The following FAAH2 variants were observed in gnomAD, a reference collection of about 807,000 sequenced individuals.
FAAH2 encodes the protein fatty acid amide hydrolase 2, also known as fatty-acid amide hydrolase 2.
In FAAH2, 60 loss-of-function variants were observed where a neutral mutation model predicts 36.9. The observed-to-expected ratio is 1.63, with a 90% CI of 1.32 to 2.02. The LOEUF is 2.02. Among genes scored for constraint, FAAH2 ranks in the 30% most tolerant of loss-of-function variants. The pLI is 0.00. For missense variants in FAAH2, 689 were observed against 397.5 expected, an observed-to-expected ratio of 1.73 and a Z score of -6.23; for synonymous variants, 214 against 143.8, an observed-to-expected ratio of 1.49 and a Z score of -3.49.
chrX:57,194,740 C>T, the FAAH2 span, among the ~76,000 whole-genome samples: 1 of 110,456 alleles, frequency 9.1e-6, no homozygotes, highest in Non-Finnish European at 1.9e-5. Context: ...TCACCTACTC[C>T]CCCCCTTCCA....
intron 5 of FAAH2, among the ~76,000 whole-genome samples, chrX:57,350,274 A>C (rs1320127977): frequency 1.8e-5 from 2 of 111,136 alleles, no homozygotes; most frequent in Non-Finnish European, 3.8e-5. Context: ...ACATGAAAGC[A>C]AAAGGACATT....
chrX:57,477,674 G>A (rs1159860329), intron 10 of FAAH2, among the ~76,000 whole-genome samples: 1 of 98,969 alleles, frequency 1.0e-5, no homozygotes, highest in East Asian at 3.2e-4. Context: ...GGTGTAAGAT[G>A]TTTCCCTTCC....
At chrX:57,335,724 C>T (rs748771955) in intron 4 of FAAH2, among the ~76,000 whole-genome samples, 2 of 111,729 alleles carry the variant, frequency 1.8e-5, no homozygotes, top group African/African-American at 3.2e-5. Flanking sequence ...GGCTGGGGGA[C>T]AGTCAGGTCT....
intron 7 of FAAH2, among the ~76,000 whole-genome samples, chrX:57,405,020 G>A (rs1448383279): frequency 8.9e-6 from 1 of 112,062 alleles, no homozygotes. Context: ...TTGTTAGAAA[G>A]CCCTTTCCCA....
intron 8 of FAAH2, among the ~76,000 whole-genome samples, chrX:57,441,238 A>AT (rs1297966021): frequency 4.5e-5 from 5 of 110,011 alleles, no homozygotes; most frequent in Admixed American, 2.9e-4. Flanking sequence ...CTGGTTCTGG[A>AT]TTTTTTTTGT....
chrX:57,320,985 A>G (rs776350400), intron 3 of FAAH2, among the ~76,000 whole-genome samples: 1 of 110,040 alleles, frequency 9.1e-6, no homozygotes, highest in South Asian at 4.0e-4. Context: ...TAAAAAATAC[A>G]AAAAATTAGC....
At chrX:57,267,409 C>T in the FAAH2 span, among the ~76,000 whole-genome samples, 2 of 112,583 alleles carry the variant, frequency 1.8e-5, no homozygotes, top group Non-Finnish European at 3.8e-5. Flanking sequence ...ACAACCTGGG[C>T]AATCACGCAT....
chrX:57,263,052 C>A, the FAAH2 span, among the ~76,000 whole-genome samples: 960 of 111,009 alleles, frequency 8.6e-3, 9 homozygotes, highest in African/African-American at 0.03. Context: ...AGGAAACAGG[C>A]AAAAATTTTT....
chrX:57,451,357 A>G (rs1407452791), intron 10 of FAAH2, among the ~76,000 whole-genome samples: 2 of 111,592 alleles, frequency 1.8e-5, no homozygotes, highest in African/African-American at 6.5e-5. Flanking sequence ...CTCCATTGAC[A>G]CTCTACAATG....
intron 7 of FAAH2, among the ~76,000 whole-genome samples, chrX:57,387,979 C>G (rs1220048759): frequency 1.8e-5 from 2 of 110,359 alleles, no homozygotes; most frequent in Non-Finnish European, 3.8e-5. Flanking sequence ...CAGAAAAATA[C>G]CATGTTTTAG....
chrX:57,205,946 G>A, the FAAH2 span, among the ~76,000 whole-genome samples: 2 of 111,538 alleles, frequency 1.8e-5, no homozygotes, highest in South Asian at 3.7e-4. Flanking sequence ...TCGTAGTAGC[G>A]ATTTGATCCA....
chrX:57,181,673 A>G, the FAAH2 span, among the ~76,000 whole-genome samples: 1 of 111,775 alleles, frequency 8.9e-6, no homozygotes, highest in Non-Finnish European at 1.9e-5. Context: ...TTAAAGATTC[A>G]ATGCTCTTCC....
At chrX:57,152,577 G>A in the FAAH2 span, among the ~76,000 whole-genome samples, 4 of 112,469 alleles carry the variant, frequency 3.6e-5, no homozygotes, top group Admixed American at 9.4e-5. Context: ...GCCAGGTGCA[G>A]GATATAATCT....
At chrX:57,468,116 CA>C (rs1440055930) in intron 10 of FAAH2, among the ~76,000 whole-genome samples, 1 of 111,261 alleles carries the variant, frequency 9.0e-6, no homozygotes, top group Non-Finnish European at 1.9e-5. Flanking sequence ...ATAATCAAGA[CA>C]AAAACTAGAT....
At chrX:57,219,253 G>C in the FAAH2 span, among the ~76,000 whole-genome samples, 1 of 111,507 alleles carries the variant, frequency 9.0e-6, no homozygotes, top group African/African-American at 3.3e-5. Context: ...CATTAAGACA[G>C]CATGTTGCTC....
intron 2 of FAAH2, among the ~76,000 whole-genome samples, chrX:57,308,192 G>A (rs991598006): frequency 9.0e-6 from 1 of 111,598 alleles, no homozygotes; most frequent in Admixed American, 9.5e-5. Flanking sequence ...TGGTAGTTTT[G>A]TTTTAAGTTA....
At chrX:57,281,483 A>T in the FAAH2 span, among the ~76,000 whole-genome samples, 1 of 111,956 alleles carries the variant, frequency 8.9e-6, no homozygotes, top group Admixed American at 9.5e-5. Flanking sequence ...AAGAAATTTG[A>T]TTTACATAGT....
intron 10 of FAAH2, among the ~76,000 whole-genome samples, chrX:57,479,626 T>A (rs1399421213): frequency 1.6e-4 from 18 of 111,676 alleles, no homozygotes; most frequent in Non-Finnish European, 3.2e-4. Flanking sequence ...TGTGGGTTTG[T>A]CATAGATAGC....
intron 7 of FAAH2, among the ~76,000 whole-genome samples, chrX:57,388,140 T>A (rs1293778917): frequency 9.0e-6 from 1 of 111,508 alleles, no homozygotes; most frequent in Non-Finnish European, 1.9e-5. Flanking sequence ...TATTAAGGAT[T>A]TAGTATTCCA....
Sources: allele counts gnomAD v4.1 joint callset (sites outside exome capture counted in the v4.1 genomes callset), GRCh38; gene constraint gnomAD v4.1.1; transcripts MANE v1.5; gene names NCBI Gene and HGNC (gene_info 2026-07-23, HGNC 2026-07-21).